The following SUMF1 variants were observed in gnomAD, a reference collection of about 807,000 sequenced individuals.
SUMF1 encodes sulfatase modifying factor 1.
In SUMF1, 48 loss-of-function variants were observed where a neutral mutation model predicts 47.6. The ratio of observed to expected loss-of-function variants is 1.01; its 90% CI spans 0.80 to 1.28. The LOEUF is 1.28. Among genes scored for constraint, SUMF1 ranks in the 50% most tolerant of loss-of-function variants. The pLI is 0.00. For missense variants in SUMF1, 571 were observed against 485.4 expected (o/e 1.18, Z -1.66); for synonymous variants, 230 against 192.1 (o/e 1.20, Z -1.63).
intron 8 of SUMF1, among the ~76,000 whole-genome samples, chr3:4,363,536 G>C (rs1220332406): frequency 6.6e-6 from 1 of 151,798 alleles, no homozygotes; most frequent in South Asian, 2.1e-4. Flanking sequence ...TCTGTTATTG[G>C]TGTATAAGAT....
intron 8 of SUMF1, among the ~76,000 whole-genome samples, chr3:4,088,160 A>G (rs1369227169): frequency 6.6e-6 from 1 of 152,016 alleles, no homozygotes; most frequent in Non-Finnish European, 1.5e-5. Flanking sequence ...CTCTTTGGAC[A>G]CCTCTGATTT....
At chr3:4,083,484 A>G (rs1692609372) in intron 8 of SUMF1, among the ~76,000 whole-genome samples, 1 of 152,166 alleles carries the variant, frequency 6.6e-6, no homozygotes, top group African/African-American at 2.4e-5. Flanking sequence ...GCTGCACCCC[A>G]GCGTGACTAT....
chr3:4,179,009 G>A (rs915619568), intron 8 of SUMF1, among the ~76,000 whole-genome samples: 4 of 152,146 alleles, frequency 2.6e-5, no homozygotes, highest in African/African-American at 7.2e-5. Context: ...TCTTCAAGGA[G>A]AACTACAAAC....
At position 4,254,505 on chromosome 3, in the gene SUMF1, A is replaced by G. The variant is rs1696897268; in HGVS notation, c.1014+121825T>C. On this transcript the variant is annotated intron_variant and NMD_transcript_variant, in intron 8 of 12. Transcript: ENST00000448413. The stretch of plus-strand genomic sequence containing the variant: ...GAGCCGATGCCATCAACTGGAAGAA[A>G]GGGTATCAGCAATGGAAGATGAAAT... 2.0e-5 allele frequency among the ~76,000 whole-genome samples: 3 copies of G among 150,430 alleles called. No homozygotes were observed. The South Asian group carries it at 6.5e-4, about 33-fold the overall frequency.
Position 4,420,148 on chromosome 3 carries a change from TCAAAGCAACC to T in SUMF1, c.520-12_520-3del. 4 of 1,613,712 alleles carry T rather than the reference TCAAAGCAACC, an allele frequency of 2.5e-6. No individual in the cohort carries two copies. The highest frequency in any genetic ancestry group is 3.4e-6 in the Non-Finnish European group (4 of 1,179,806). On this transcript the variant is annotated splice_region_variant and splice_polypyrimidine_tract_variant and intron_variant, in intron 3 of 8. Coordinates refer to ENST00000272902, the MANE Select transcript of SUMF1 (RefSeq NM_182760.4). ...TAACCACCAGGGAGCAGCTGCAACC[TCAAAGCAACC>T]CAGAACAGGCTGATGTTAGCTACTA... is the stretch of plus-strand genomic sequence containing the variant.
At chr3:4,299,050 T>C (rs936776359) in intron 8 of SUMF1, among the ~76,000 whole-genome samples, 2 of 152,260 alleles carry the variant, frequency 1.3e-5, no homozygotes, top group Non-Finnish European at 2.9e-5. Flanking sequence ...CTTATGTTTC[T>C]TAATTATACT....
At chr3:4,400,248 C>T (rs1041600305) in intron 7 of SUMF1, among the ~76,000 whole-genome samples, 2 of 152,158 alleles carry the variant, frequency 1.3e-5, no homozygotes, top group Admixed American at 6.5e-5. Flanking sequence ...AAGCCCTCAC[C>T]CTGAAATTTC....
At chr3:4,349,946 GTT>G (rs78558015) in intron 8 of SUMF1, among the ~76,000 whole-genome samples, 4 of 143,834 alleles carry the variant, frequency 2.8e-5, no homozygotes, top group Admixed American at 7.0e-5. Context: ...CATGCATCCG[GTT>G]TTTTTTTTTA....
chr3:4,263,247 T>C (rs1007172606), intron 8 of SUMF1, among the ~76,000 whole-genome samples: 4 of 152,176 alleles, frequency 2.6e-5, no homozygotes, highest in Non-Finnish European at 5.9e-5. Context: ...AAGTCACTCC[T>C]TCTGAAGATG....
chr3:4,236,642 A>G (rs1213480884), intron 8 of SUMF1, among the ~76,000 whole-genome samples: 1 of 152,090 alleles, frequency 6.6e-6, no homozygotes, highest in South Asian at 2.1e-4. Context: ...TTTTAGGTTC[A>G]CAGCAAAATT....
rs182011805 is a variant in SUMF1 at position 4,190,124 on chromosome 3, A to C, written c.1015-121379T>G. ...AGCTGAATGATTACTTTTTTAAAAAAATTAAGAAACAGTATTCTCTGAGCT... is the reference window on the plus strand; with the variant it reads ...AGCTGAATGATTACTTTTTTAAAAACATTAAGAAACAGTATTCTCTGAGCT... On this transcript the variant is annotated intron_variant and NMD_transcript_variant, in intron 8 of 12. Transcript: ENST00000448413. 1.1e-4 allele frequency among the ~76,000 whole-genome samples: 17 copies of C among 152,270 alleles called. No individual in the cohort carries two copies. In the East Asian group the frequency reaches 3.3e-3, roughly 29 times the overall value.
At chr3:4,353,944 G>A (rs78979110) in intron 8 of SUMF1, among the ~76,000 whole-genome samples, 1,874 of 152,244 alleles carry the variant, frequency 0.012, 20 homozygotes, top group Middle Eastern at 0.021. Context: ...GCAAACTCCT[G>A]AGGTCAAGCA....
At chr3:4,404,482 GTGCAGTGGCTCA>G (rs71053412) in intron 7 of SUMF1, among the ~76,000 whole-genome samples, 36,137 of 152,068 alleles carry the variant, frequency 0.24, 5,612 homozygotes, top group Non-Finnish European at 0.34. Flanking sequence ...AGTGGGCCAG[GTGCAGTGGCTCA>G]TGCCTGTAAT....
intron 9 of SUMF1, among the ~76,000 whole-genome samples, chr3:4,065,748 C>A (rs897044314): frequency 6.6e-6 from 1 of 152,050 alleles, no homozygotes; most frequent in African/African-American, 2.4e-5. Flanking sequence ...AACAACCCAG[C>A]AAGGCAGGAA....
intron 6 of SUMF1, among the ~76,000 whole-genome samples, chr3:4,412,763 G>T (rs1559283029): frequency 6.6e-6 from 1 of 152,140 alleles, no homozygotes; most frequent in East Asian, 1.9e-4. Flanking sequence ...CATGGTGCAC[G>T]CCTGTAATCC....
intron 8 of SUMF1, among the ~76,000 whole-genome samples, chr3:4,237,596 G>A (rs1299739903): frequency 6.6e-6 from 1 of 151,952 alleles, no homozygotes; most frequent in Non-Finnish European, 1.5e-5. Flanking sequence ...TCTCTTGACA[G>A]TGTCTTTTGC....
chr3:4,428,047 C>T lies in SUMF1; in HGVS notation c.520-7901G>A, dbSNP rs976536027. Among the ~76,000 whole-genome samples, 5 of 152,148 alleles carry T rather than the reference C, an allele frequency of 3.3e-5. No homozygotes were observed. The South Asian group carries it at 1.0e-3, about 32-fold the overall frequency. On this transcript the variant is annotated intron_variant, in intron 3 of 8. Coordinates refer to ENST00000272902, the MANE Select transcript of SUMF1 (RefSeq NM_182760.4). ...AATAAGTAACTGTAAATTGGTATAA[C>T]CTATCTTGAAAGCAATGTGACAATA...
At position 4,326,522 on chromosome 3, in the gene SUMF1, G is replaced by GTTTTTTTTTTTTTTTTTTTTT. The variant is rs35648890; in HGVS notation, c.1014+49807_1014+49808insAAAAAAAAAAAAAAAAAAAAA. Among the ~76,000 whole-genome samples, 42 of 128,674 alleles carry GTTTTTTTTTTTTTTTTTTTTT rather than the reference G, an allele frequency of 3.3e-4. 2 individuals carry two copies. The highest frequency in any genetic ancestry group is 1.2e-3 in the African/African-American group (36 of 29,632). 84.4% of individuals were successfully genotyped at this position (128,674 alleles called of 152,430 possible). On this transcript the variant is annotated intron_variant and NMD_transcript_variant, in intron 8 of 12. Coordinates refer to the SUMF1 transcript ENST00000448413. ...ATGTACAAGGCCAGTTTTTCCAAGG[G>GTTTTTTTTTTTTTTTTTTTTT]TTTTTTTTTTTTTGAGATAGATCCT...
chr3:4,312,783 T>C lies in SUMF1; in HGVS notation c.1014+63547A>G, dbSNP rs576302548. 54 of 1,229,744 alleles carry C rather than the reference T, an allele frequency of 4.4e-5. No individual in the cohort carries two copies. The African/African-American group carries it at 7.6e-4, about 17-fold the overall frequency. The allele number at this position is 1,229,744 out of a possible 1,614,324, so 76.2% of individuals were successfully genotyped here. A position where few individuals can be genotyped will look rare whatever the true frequency, so the allele number is the denominator to read the frequency against. On this transcript the variant is annotated intron_variant and NMD_transcript_variant, in intron 8 of 12. Coordinates refer to the SUMF1 transcript ENST00000448413. ...CTTAGTATGCTGTGTTTTGACAGTTTTGTCCTGTTTTTATATATGTTAGAA... is the reference window on the plus strand; with the variant it reads ...CTTAGTATGCTGTGTTTTGACAGTTCTGTCCTGTTTTTATATATGTTAGAA...
Sources: allele counts gnomAD v4.1 joint callset (sites outside exome capture counted in the v4.1 genomes callset), GRCh38; gene constraint gnomAD v4.1.1; transcripts MANE v1.5; gene names NCBI Gene and HGNC (gene_info 2026-07-23, HGNC 2026-07-21).